The following PIBF1 variants were observed in gnomAD, a reference collection of about 807,000 sequenced individuals.
PIBF1 encodes the protein progesterone immunomodulatory binding factor 1.
Under a neutral mutation model 112.5 loss-of-function variants are expected in PIBF1, and 90 were observed. That is an observed-to-expected ratio of 0.80 (90% confidence interval 0.67 to 0.95). The LOEUF is 0.95. PIBF1 is among the 40% of genes least tolerant of loss of function. The pLI is 0.00. For synonymous variants in PIBF1, 301 were observed against 288.6 expected (o/e 1.04, Z -0.44); for missense variants, 915 against 852.3 (o/e 1.07, Z -0.92).
At chr13:72,865,960 A>G (rs1228552701) in intron 10 of PIBF1, among the ~76,000 whole-genome samples, 2 of 152,208 alleles carry the variant, frequency 1.3e-5, no homozygotes, top group African/African-American at 4.8e-5. Context: ...TTTATTCTCC[A>G]TTCTAGAGGC....
At chr13:72,787,379 C>G (rs145742721) in intron 2 of PIBF1, among the ~76,000 whole-genome samples, 1 of 152,260 alleles carries the variant, frequency 6.6e-6, no homozygotes, top group African/African-American at 2.4e-5. Flanking sequence ...CTAGTACACC[C>G]CACTGAATTT....
intron 4 of PIBF1, among the ~76,000 whole-genome samples, chr13:72,796,759 A>T (rs2035220865): frequency 6.6e-6 from 1 of 151,970 alleles, no homozygotes; most frequent in South Asian, 2.1e-4. Context: ...TTTACAGTAG[A>T]TATAAAGTAT....
At chr13:72,999,550 C>G (rs1369719695) in intron 17 of PIBF1, among the ~76,000 whole-genome samples, 1 of 152,040 alleles carries the variant, frequency 6.6e-6, no homozygotes, top group Admixed American at 6.6e-5. Context: ...GACTCAAAAC[C>G]AGAAAGATTT....
intron 9 of PIBF1, among the ~76,000 whole-genome samples, chr13:72,845,785 C>G (rs1012299357): frequency 6.6e-6 from 1 of 152,112 alleles, no homozygotes. Flanking sequence ...TGTTTCTTGG[C>G]CACATAAATG....
At chr13:72,853,711 A>C (rs2038277487) in intron 9 of PIBF1, among the ~76,000 whole-genome samples, 2 of 152,226 alleles carry the variant, frequency 1.3e-5, no homozygotes, top group South Asian at 2.1e-4. Flanking sequence ...GACATTTATT[A>C]ACCTCCCCAA....
intron 10 of PIBF1, among the ~76,000 whole-genome samples, chr13:72,889,776 T>A (rs1166873663): frequency 6.6e-6 from 1 of 152,170 alleles, no homozygotes; most frequent in Admixed American, 6.6e-5. Flanking sequence ...TTAATGCAAG[T>A]ACCATATTCT....
intron 10 of PIBF1, among the ~76,000 whole-genome samples, chr13:72,863,751 G>A (rs1250013831): frequency 1.3e-5 from 2 of 151,826 alleles, no homozygotes; most frequent in African/African-American, 4.8e-5. Flanking sequence ...AATTTATTAA[G>A]GATTGTCTTA....
intron 14 of PIBF1, among the ~76,000 whole-genome samples, chr13:72,947,870 A>T (rs886199083): frequency 5.3e-5 from 8 of 152,234 alleles, no homozygotes; most frequent in African/African-American, 1.7e-4. Context: ...GATAAAGAAA[A>T]TGAGGCACAT....
chr13:72,827,767 A>C lies in PIBF1; in HGVS notation c.950A>C (p.Gln317Pro), dbSNP rs763313237. 6.3e-7 allele frequency: 1 copy of C among 1,594,794 alleles called. No homozygotes were observed. Among genetic ancestry groups the C allele is most frequent in the Non-Finnish European group, 8.5e-7 (1 of 1,170,908 alleles). Residue 317 changes from glutamine (Q) to proline (P), a missense_variant, in exon 8 of 18, where the codon CAA (glutamine) becomes CCA (proline). Coordinates refer to ENST00000326291, the MANE Select transcript of PIBF1 (RefSeq NM_006346.4). ...VTLEQTVTLL[Q>P]KDKEYLNRQN... ...TTAGAGCAAACTGTTACTTTACTGC[A>C]AAAGGATAAAGAATATCTTAATCGC... is the stretch of plus-strand genomic sequence containing the variant.
chr13:72,898,790 G>C (rs1466540418), intron 11 of PIBF1, among the ~76,000 whole-genome samples: 2 of 150,718 alleles, frequency 1.3e-5, no homozygotes, highest in Non-Finnish European at 2.9e-5. Flanking sequence ...AGAGGTTGCA[G>C]TAAGCAGAGA....
chr13:72,997,200 T>G (rs2043705943), intron 16 of PIBF1, among the ~76,000 whole-genome samples: 1 of 152,216 alleles, frequency 6.6e-6, no homozygotes, highest in South Asian at 2.1e-4. Context: ...AATAAAGAGA[T>G]GTTCTTTCAG....
chr13:72,852,718 C>T (rs1050944816), intron 9 of PIBF1, among the ~76,000 whole-genome samples: 35 of 152,174 alleles, frequency 2.3e-4, no homozygotes, highest in African/African-American at 8.0e-4. Context: ...CATTTCTATC[C>T]AATATTCAAT....
intron 15 of PIBF1, among the ~76,000 whole-genome samples, chr13:72,967,357 A>G (rs977961081): frequency 6.6e-6 from 1 of 152,242 alleles, no homozygotes; most frequent in African/African-American, 2.4e-5. Context: ...TTATTTGATT[A>G]TTTATTTTAC....
At chr13:72,926,771 C>A (rs994774487) in intron 13 of PIBF1, among the ~76,000 whole-genome samples, 1 of 152,180 alleles carries the variant, frequency 6.6e-6, no homozygotes, top group Non-Finnish European at 1.5e-5. Flanking sequence ...TTCTCTGCTT[C>A]TTCACCAGAT....
At chr13:72,988,276 A>G (rs1295037032) in intron 16 of PIBF1, among the ~76,000 whole-genome samples, 1 of 152,126 alleles carries the variant, frequency 6.6e-6, no homozygotes, top group Non-Finnish European at 1.5e-5. Flanking sequence ...AAAGCCTGGT[A>G]CATTGTAGAT....
chr13:72,947,352 G>A (rs1338718433), intron 14 of PIBF1, among the ~76,000 whole-genome samples: 2 of 152,202 alleles, frequency 1.3e-5, no homozygotes, highest in African/African-American at 4.8e-5. Context: ...ATAGAGCAGG[G>A]GGGCCCTGGG....
At chr13:72,898,694 A>AAT (rs1555309465) in intron 11 of PIBF1, among the ~76,000 whole-genome samples, 4 of 150,914 alleles carry the variant, frequency 2.7e-5, no homozygotes, top group Non-Finnish European at 5.9e-5. Context: ...AAAAAAAAAA[A>AAT]AAAATAAAGC....
chr13:72,815,420 G>A (rs770990175), intron 5 of PIBF1, among the ~76,000 whole-genome samples: 9 of 152,078 alleles, frequency 5.9e-5, no homozygotes, highest in East Asian at 3.9e-4. Flanking sequence ...TTCCCCCACC[G>A]TTCATCTCTA....
At chr13:72,917,914 G>C (rs1203882449) in intron 13 of PIBF1, among the ~76,000 whole-genome samples, 2 of 152,158 alleles carry the variant, frequency 1.3e-5, no homozygotes, top group Non-Finnish European at 2.9e-5. Flanking sequence ...CCAATTGTAT[G>C]TAAGGGACTT....
Sources: gnomAD v4.1 joint callset for allele counts (sites outside exome capture counted in the v4.1 genomes callset) on GRCh38, gnomAD v4.1.1 for gene constraint, MANE v1.5 for transcripts, NCBI Gene and HGNC (gene_info 2026-07-23, HGNC 2026-07-21) for gene names.